CFAP58: variants seen among roughly 807,000 people sequenced by gnomAD.
CFAP58 encodes cilia- and flagella-associated protein 58.
In CFAP58, 88 loss-of-function variants were observed where a neutral mutation model predicts 119.5. That is an observed-to-expected ratio of 0.74 (90% CI 0.62 to 0.88). The LOEUF (loss-of-function observed/expected upper bound fraction) is 0.88. CFAP58 is among the 40% of genes least tolerant of loss of function. The pLI is 0.00. For synonymous variants in CFAP58, 365 were observed against 366.3 expected (o/e 1.00, Z 0.04); for missense variants, 990 against 1,021.2 (o/e 0.97, Z 0.42).
At chr10:104,416,148 C>G (rs2012549679) in intron 15 of CFAP58, among the ~76,000 whole-genome samples, 1 of 152,146 alleles carries the variant, frequency 6.6e-6, no homozygotes, top group Non-Finnish European at 1.5e-5. Context: ...AATACTGAGG[C>G]ATTTTCCCTT....
At chr10:104,386,764 A>G (rs2011933821) in intron 9 of CFAP58, among the ~76,000 whole-genome samples, 1 of 152,256 alleles carries the variant, frequency 6.6e-6, no homozygotes, top group African/African-American at 2.4e-5. Context: ...TGAGTTAACT[A>G]GTCAGAGGCT....
chr10:104,377,924 A>AT (rs1403282392), intron 8 of CFAP58, among the ~76,000 whole-genome samples: 6 of 152,236 alleles, frequency 3.9e-5, no homozygotes, highest in Admixed American at 3.3e-4. Context: ...GTACATATAA[A>AT]CAATAGTGTT....
intron 15 of CFAP58, among the ~76,000 whole-genome samples, chr10:104,438,354 TTTTTTTG>T (rs1564904805): frequency 5.4e-5 from 2 of 36,992 alleles, no homozygotes; most frequent in African/African-American, 1.5e-4. Flanking sequence ...TTTTGTTTTT[TTTTTTTG>T]TTTTTTTTTT....
At chr10:104,341,472 AAAAG>A in the CFAP58 span, among the ~76,000 whole-genome samples, 12 of 151,700 alleles carry the variant, frequency 7.9e-5, no homozygotes, top group East Asian at 1.2e-3. Flanking sequence ...GGACTATGAA[AAAAG>A]AACAGGTAAA....
chr10:104,403,974 G>A, intron 14 of CFAP58, 134 bp downstream of exon 14: 2 of 501,524 alleles, frequency 4.0e-6, no homozygotes, highest in South Asian at 8.6e-5. Flanking sequence ...ATGTAAGGCT[G>A]TATCTGATGT....
chr10:104,406,380 A>G (rs2012359379), intron 14 of CFAP58, among the ~76,000 whole-genome samples: 1 of 152,214 alleles, frequency 6.6e-6, no homozygotes, highest in Non-Finnish European at 1.5e-5. Context: ...ATGGTGGCAA[A>G]GAATCATATA....
intron 17 of CFAP58, among the ~76,000 whole-genome samples, chr10:104,452,854 G>A (rs1353563597): frequency 1.3e-5 from 2 of 152,152 alleles, no homozygotes; most frequent in Non-Finnish European, 2.9e-5. Context: ...CTCTGACCTA[G>A]TTAGGGTTCC....
At chr10:104,357,886 TATAAACATATATGTACACATATAC>T (rs1564875774) in intron 1 of CFAP58, among the ~76,000 whole-genome samples, 20 of 121,444 alleles carry the variant, frequency 1.6e-4, no homozygotes, top group African/African-American at 5.3e-4. Flanking sequence ...TGTACACATA[TATAAACATATATGTACACATATAC>T]ACACATATAT....
intron 11 of CFAP58, among the ~76,000 whole-genome samples, chr10:104,396,278 C>G (rs1236526941): frequency 2.0e-5 from 3 of 152,016 alleles, no homozygotes; most frequent in Middle Eastern, 6.8e-3. Flanking sequence ...GTGTCTAGAG[C>G]TCAGCACCAC....
At position 104,364,787 on chromosome 10, in the gene CFAP58, C is replaced by G. The variant is rs1164963340; in HGVS notation, c.495C>G (p.Leu165=). The G allele has an allele frequency of 1.2e-6, 2 of 1,612,866 alleles. No individual in the cohort carries two copies. Residue 165 remains leucine (L), a synonymous_variant, in exon 4 of 18, where the codon CTC becomes CTG. Coordinates refer to ENST00000369704, the MANE Select transcript of CFAP58 (RefSeq NM_001008723.2). ...AAGTGACAAAGGAGAGAGACCAGCT[C>G]TTATCAGAAGTGGTAAAATTACGAG... The part of the protein sequence containing the change: ...KEEVTKERDQ[L]LSEVVKLRES...
intron 5 of CFAP58, among the ~76,000 whole-genome samples, chr10:104,367,763 C>T (rs1459373241): frequency 6.6e-6 from 1 of 152,208 alleles, no homozygotes; most frequent in Non-Finnish European, 1.5e-5. Flanking sequence ...TATCCCTCCA[C>T]CTCCTCAATA....
Position 104,353,857 on chromosome 10 carries a change from C to T in CFAP58, c.-41C>T. 4 of 1,604,288 alleles carry T rather than the reference C, an allele frequency of 2.5e-6. No individual in the cohort carries two copies. The highest frequency in any genetic ancestry group is 3.4e-6 in the Non-Finnish European group (4 of 1,172,614). On this transcript the variant is annotated 5_prime_UTR_variant, in exon 1 of 18. Transcript: ENST00000369704. ...CAGACTCCGGCCCAGCTCCTGCGAT[C>T]TCCACAGCAGCCTCTGAGGCCGCCC... is the stretch of plus-strand genomic sequence containing the variant.
intron 2 of CFAP58, among the ~76,000 whole-genome samples, chr10:104,361,480 C>T (rs557016415): frequency 1.2e-3 from 189 of 152,268 alleles, no homozygotes; most frequent in Admixed American, 3.1e-3. Flanking sequence ...ACAAATCTTT[C>T]GAGAGGTTTA....
chr10:104,349,801 G>A (rs1250468241), upstream of CFAP58, among the ~76,000 whole-genome samples: 2 of 152,228 alleles, frequency 1.3e-5, no homozygotes, highest in East Asian at 1.9e-4. Flanking sequence ...GAGACTGAAA[G>A]TAATGTGAAG....
At chr10:104,339,837 G>C in the CFAP58 span, among the ~76,000 whole-genome samples, 2 of 152,110 alleles carry the variant, frequency 1.3e-5, no homozygotes, top group Non-Finnish European at 2.9e-5. Flanking sequence ...TCTTGAAAGA[G>C]CTGTATTTCC....
At chr10:104,342,481 A>T in the CFAP58 span, among the ~76,000 whole-genome samples, 1 of 152,056 alleles carries the variant, frequency 6.6e-6, no homozygotes, top group Non-Finnish European at 1.5e-5. Flanking sequence ...GTGAAAGTAG[A>T]TGGAATGTTC....
At chr10:104,423,652 A>C (rs1266925884) in intron 15 of CFAP58, among the ~76,000 whole-genome samples, 5 of 152,220 alleles carry the variant, frequency 3.3e-5, no homozygotes, top group Admixed American at 3.3e-4. Context: ...AGAATTTCTC[A>C]GTGGAACATT....
chr10:104,412,781 A>G (rs1299815892), intron 15 of CFAP58, among the ~76,000 whole-genome samples: 1 of 152,146 alleles, frequency 6.6e-6, no homozygotes, highest in Non-Finnish European at 1.5e-5. Context: ...GGCGCTTCCC[A>G]GTTCTCCTCT....
intron 15 of CFAP58, among the ~76,000 whole-genome samples, chr10:104,410,065 T>A (rs556912136): frequency 4.6e-5 from 7 of 152,208 alleles, no homozygotes; most frequent in Non-Finnish European, 8.8e-5. Context: ...TTACCACCAC[T>A]CAGTATAATA....
Sources: gnomAD v4.1 joint callset for allele counts (sites outside exome capture counted in the v4.1 genomes callset) on GRCh38, gnomAD v4.1.1 for gene constraint, MANE v1.5 for transcripts, NCBI Gene and HGNC (gene_info 2026-07-23, HGNC 2026-07-21) for gene names.